PCDHGA7: variants seen among roughly 807,000 people sequenced by gnomAD.
PCDHGA7 encodes protocadherin gamma-A7.
A neutral mutation model predicts 58.3 loss-of-function variants in PCDHGA7; 44 were observed. That is an observed-to-expected ratio of 0.75 (90% CI 0.59 to 0.97). The LOEUF is 0.97. Among genes scored for constraint, PCDHGA7 ranks in the 50% least tolerant of loss-of-function variants. The pLI is 0.00. For missense variants in PCDHGA7, 1,266 were observed against 1,188.7 expected (o/e 1.06, Z -0.96); for synonymous variants, 516 against 504.2 (o/e 1.02, Z -0.31).
rs371079504 is a variant in PCDHGA7, at chr5:141,422,041, G to C, written c.2424+36718G>C. 9 of 1,611,514 alleles carry C rather than the reference G, an allele frequency of 5.6e-6. No homozygotes were observed. The highest frequency in any genetic ancestry group is 5.9e-6 in the Non-Finnish European group (7 of 1,179,230). On this transcript the variant is annotated intron_variant, in intron 1 of 3. Transcript: ENST00000518325. ...GATGGTTAATGCAACGGATCCAGAC[G>C]AGGGAATCAACGGGGAAGTAATGTA...
At chr5:141,398,392 A>T in intron 1 of PCDHGA7, 1 of 1,456,390 alleles carries the variant, frequency 6.9e-7, no homozygotes, top group Non-Finnish European at 9.5e-7. Context: ...TGTGAGCAGC[A>T]GGCTAGACAG....
At chr5:141,430,977 A>C (rs761722055) in intron 1 of PCDHGA7, 1 of 1,613,290 alleles carries the variant, frequency 6.2e-7, no homozygotes, top group South Asian at 1.1e-5. Context: ...GGTAGGACGC[A>C]GCTTTTCGCC....
At chr5:141,418,441 A>T in intron 1 of PCDHGA7, 2 of 1,614,000 alleles carry the variant, frequency 1.2e-6, no homozygotes, top group East Asian at 4.5e-5. Flanking sequence ...ATCCAGAATT[A>T]GTATTGCAGA....
At chr5:141,418,603 G>C in intron 1 of PCDHGA7, 1 of 1,614,020 alleles carries the variant, frequency 6.2e-7, no homozygotes, top group Non-Finnish European at 8.5e-7. Context: ...ACGTGTACAG[G>C]GTTAGCCTTC....
chr5:141,462,408 A>G (rs1240372917), intron 1 of PCDHGA7, among the ~76,000 whole-genome samples: 2 of 152,188 alleles, frequency 1.3e-5, no homozygotes, highest in Non-Finnish European at 2.9e-5. Context: ...ATGGCACAGA[A>G]TATGGTCTAT....
chr5:141,419,465 G>T, intron 1 of PCDHGA7: 2 of 1,612,542 alleles, frequency 1.2e-6, no homozygotes, highest in Non-Finnish European at 1.7e-6. Context: ...GCAGGCCCGC[G>T]ACCAGGGCTC....
intron 1 of PCDHGA7, chr5:141,389,289 A>G (rs1384091312): frequency 1.2e-6 from 2 of 1,613,966 alleles, no homozygotes; most frequent in African/African-American, 1.3e-5. Context: ...TGGAGCCTCT[A>G]TTTCACAAGT....
intron 1 of PCDHGA7, chr5:141,400,321 G>T (rs190006023): frequency 1.9e-6 from 3 of 1,614,064 alleles, no homozygotes; most frequent in East Asian, 2.2e-5. Context: ...TGTCAAGTCT[G>T]GACCTGTGGT....
chr5:141,483,509 C>A (rs2099582178), intron 1 of PCDHGA7, among the ~76,000 whole-genome samples: 1 of 147,450 alleles, frequency 6.8e-6, no homozygotes, highest in African/African-American at 2.5e-5. Flanking sequence ...AGGCTGATCC[C>A]CCTAGATCCT....
intron 1 of PCDHGA7, chr5:141,393,977 T>TA: frequency 6.2e-7 from 1 of 1,613,870 alleles, no homozygotes; most frequent in Non-Finnish European, 8.5e-7. Flanking sequence ...ACACACGTGA[T>TA]AATTTACCTT....
intron 1 of PCDHGA7, chr5:141,398,921 C>A: frequency 6.2e-7 from 1 of 1,613,962 alleles, no homozygotes; most frequent in African/African-American, 1.3e-5. Flanking sequence ...TTGCAAGTGT[C>A]AGCCACTGAC....
chr5:141,383,930 C>T lies in PCDHGA7; in HGVS notation c.1031C>T (p.Ala344Val). 7 of 1,613,800 alleles carry T rather than the reference C, an allele frequency of 4.3e-6. No homozygotes were observed. Among genetic ancestry groups the T allele is most frequent in the Non-Finnish European group, 5.9e-6 (7 of 1,179,786 alleles). ...LITVLDVNDN[A>V]PEVTMTSLSS... ...ACAGTTTTAGATGTAAATGATAATG[C>T]TCCAGAAGTGACTATGACGTCTTTA... The change falls in exon 1 of 4, where the codon GCT becomes GTT. Residue 344 changes from alanine to valine, a missense_variant. Coordinates refer to ENST00000518325, the MANE Select transcript of PCDHGA7 (RefSeq NM_018920.4).
intron 1 of PCDHGA7, chr5:141,424,482 T>C (rs779975685): frequency 1.3e-5 from 2 of 152,216 alleles, no homozygotes; most frequent in Non-Finnish European, 2.9e-5. Context: ...TACTTTGGTG[T>C]CTGTGTTTGT....
chr5:141,450,258 T>A (rs1267755848), intron 1 of PCDHGA7, among the ~76,000 whole-genome samples: 1 of 152,096 alleles, frequency 6.6e-6, no homozygotes, highest in Non-Finnish European at 1.5e-5. Context: ...CCTCAAGTGA[T>A]CTGCCCACCT....
chr5:141,393,927 C>T, intron 1 of PCDHGA7: 2 of 1,613,970 alleles, frequency 1.2e-6, no homozygotes, highest in South Asian at 1.1e-5. Context: ...CTTGAGTGTG[C>T]ATGACCAAGA....
At position 141,476,613 on chromosome 5, in the gene PCDHGA7, G is replaced by A; in HGVS notation, c.2425-18194G>A. On this transcript the variant is annotated intron_variant, in intron 1 of 3. Coordinates refer to ENST00000518325, the MANE Select transcript of PCDHGA7 (RefSeq NM_018920.4). This position sits in a 1 kb window ranked among gnomAD's most constrained non-coding sequence, Gnocchi z 7.6. ...AGCGCGCACGATCCCGATGTGGGAA[G>A]CAACTCTTTACAAACCTATGAGCTG... is the stretch of plus-strand genomic sequence containing the variant. 1 of 1,614,266 alleles carries A rather than the reference G, an allele frequency of 6.2e-7. No homozygotes were observed. The highest frequency in any genetic ancestry group is 1.3e-5 in the African/African-American group (1 of 75,078).
At chr5:141,422,566 A>G (rs2096656660) in intron 1 of PCDHGA7, 1 of 1,614,020 alleles carries the variant, frequency 6.2e-7, no homozygotes, top group Non-Finnish European at 8.5e-7. Flanking sequence ...GGCAGATGAC[A>G]ACGATAACCC....
intron 1 of PCDHGA7, among the ~76,000 whole-genome samples, chr5:141,425,605 A>G (rs1229246680): frequency 6.6e-6 from 1 of 152,230 alleles, no homozygotes; most frequent in Non-Finnish European, 1.5e-5. Context: ...TGCCCTATAT[A>G]GCTTTCAGTG....
intron 1 of PCDHGA7, among the ~76,000 whole-genome samples, chr5:141,451,579 A>T (rs1222576609): frequency 6.6e-6 from 1 of 152,084 alleles, no homozygotes; most frequent in African/African-American, 2.4e-5. Flanking sequence ...TTATAAACCT[A>T]ATTTTGAAAG....
Sources: allele counts gnomAD v4.1 joint callset (sites outside exome capture counted in the v4.1 genomes callset), GRCh38; gene constraint gnomAD v4.1.1; non-coding constraint Gnocchi (gnomAD v3.1); transcripts MANE v1.5; gene names NCBI Gene and HGNC (gene_info 2026-07-23, HGNC 2026-07-21).